The following SNX29 variants were observed in gnomAD, a reference collection of about 807,000 sequenced individuals.
SNX29 encodes the protein sorting nexin-29.
A neutral mutation model predicts 102.1 loss-of-function variants in SNX29; 78 were observed. The ratio of observed to expected loss-of-function variants is 0.76; its 90% CI spans 0.64 to 0.92. The LOEUF (loss-of-function observed/expected upper bound fraction) is 0.92. Among genes scored for constraint, SNX29 ranks in the 40% least tolerant of loss-of-function variants. The pLI is 0.00. For missense variants in SNX29, 1,280 were observed against 1,061.7 expected (o/e 1.21, Z -2.86); for synonymous variants, 580 against 414.5 (o/e 1.40, Z -4.85).
chr16:12,013,542 T>TATATAGAGAGAGAGAG (rs1382498593), intron 3 of SNX29, among the ~76,000 whole-genome samples: 2 of 109,076 alleles, frequency 1.8e-5, no homozygotes, highest in African/African-American at 7.0e-5. Flanking sequence ...TATATATATA[T>TATATAGAGAGAGAGAG]CGAGAGAGGA....
intron 14 of SNX29, among the ~76,000 whole-genome samples, chr16:12,236,557 T>G (rs1385795058): frequency 6.6e-6 from 1 of 152,212 alleles, no homozygotes; most frequent in Non-Finnish European, 1.5e-5. Flanking sequence ...AGGTGTCACC[T>G]ACTCTGGAAA....
At chr16:12,398,325 C>A in intron 16 of SNX29, 121 bp from the exon 17 acceptor site, 1 of 1,093,976 alleles carries the variant, frequency 9.1e-7, no homozygotes, top group Admixed American at 1.9e-5. Context: ...ACTGCTTTTT[C>A]ACTTCATTCT....
intron 14 of SNX29, among the ~76,000 whole-genome samples, chr16:12,244,965 A>G (rs773028282): frequency 2.0e-5 from 3 of 152,198 alleles, no homozygotes; most frequent in African/African-American, 7.2e-5. Flanking sequence ...TAATTATAAT[A>G]TTTGTTTGAT....
chr16:12,556,335 C>T (rs949565741), intron 20 of SNX29: 3 of 152,162 alleles, frequency 2.0e-5, no homozygotes, highest in African/African-American at 7.2e-5. Flanking sequence ...CAGGACAGAC[C>T]ACTTGGACTT....
chr16:12,458,888 G>C (rs530771365), intron 18 of SNX29, among the ~76,000 whole-genome samples: 6 of 152,318 alleles, frequency 3.9e-5, no homozygotes, highest in African/African-American at 1.4e-4. Context: ...TTGGTCTCAG[G>C]TCTTTTCACT....
At chr16:12,303,308 C>T (rs376113054) in intron 15 of SNX29, among the ~76,000 whole-genome samples, 25 of 152,300 alleles carry the variant, frequency 1.6e-4, no homozygotes, top group East Asian at 1.2e-3. Flanking sequence ...TTCACAGCAT[C>T]GCTCACGATG....
chr16:12,496,171 T>C (rs1450474204), intron 19 of SNX29, among the ~76,000 whole-genome samples: 1 of 152,190 alleles, frequency 6.6e-6, no homozygotes, highest in Non-Finnish European at 1.5e-5. Flanking sequence ...GTCACACTCA[T>C]TTGTAGGTGA....
At chr16:12,181,146 A>G (rs764016817) in intron 13 of SNX29, among the ~76,000 whole-genome samples, 18 of 152,150 alleles carry the variant, frequency 1.2e-4, no homozygotes, top group Non-Finnish European at 1.0e-4. Flanking sequence ...GCTTTACTGC[A>G]CTTCTCAACG....
chr16:12,112,402 A>G (rs2053534949), intron 11 of SNX29, among the ~76,000 whole-genome samples: 1 of 152,206 alleles, frequency 6.6e-6, no homozygotes. Context: ...CTCCAGTGTC[A>G]TCTCTGCGTG....
Position 12,356,232 on chromosome 16 carries a change from G to A in SNX29, c.1852G>A (p.Ala618Thr), listed in dbSNP as rs2082131778. 2 of 1,612,888 alleles carry A rather than the reference G, an allele frequency of 1.2e-6. No individual in the cohort carries two copies. Among genetic ancestry groups the A allele is most frequent in the Admixed American group, 3.3e-5 (2 of 59,920 alleles). Residue 618 changes from alanine to threonine, a missense_variant, in exon 16 of 21, where the codon GCC becomes ACC. Transcript: ENST00000566228. ...GCACAGGGCCCTGGTAGCCAAGGAA[G>A]CCCTCGTGTCCCAGATGAGGCAGGA... ...RLHRALVAKE[A>T]LVSQMRQELI...
chr16:12,543,412 G>C (rs2077433992), intron 20 of SNX29, among the ~76,000 whole-genome samples: 1 of 152,200 alleles, frequency 6.6e-6, no homozygotes. Context: ...CCGATTCACT[G>C]AAAGGAGAGA....
intron 14 of SNX29, among the ~76,000 whole-genome samples, chr16:12,239,264 C>T (rs575766191): frequency 6.6e-6 from 1 of 152,250 alleles, no homozygotes; most frequent in East Asian, 1.9e-4. Flanking sequence ...CCAGGAAGTG[C>T]ATTCTGTACC....
chr16:12,156,237 G>A (rs28660528), intron 13 of SNX29, among the ~76,000 whole-genome samples: 5 of 152,084 alleles, frequency 3.3e-5, no homozygotes, highest in Admixed American at 2.0e-4. Context: ...GCAGAGGCGC[G>A]ATCTTGGCTC....
At chr16:12,217,032 T>C (rs574197270) in intron 14 of SNX29, among the ~76,000 whole-genome samples, 1 of 152,292 alleles carries the variant, frequency 6.6e-6, no homozygotes, top group South Asian at 2.1e-4. Flanking sequence ...GCTGGGTTTC[T>C]TTTGTTTTTG....
chr16:12,439,541 A>G (rs1231881879), intron 18 of SNX29, among the ~76,000 whole-genome samples: 2 of 152,196 alleles, frequency 1.3e-5, no homozygotes, highest in Admixed American at 1.3e-4. Flanking sequence ...AGAGAATGAG[A>G]GCCAAGCGAA....
chr16:12,320,205 C>CA (rs964115932), intron 15 of SNX29, among the ~76,000 whole-genome samples: 1 of 152,132 alleles, frequency 6.6e-6, no homozygotes, highest in Non-Finnish European at 1.5e-5. Flanking sequence ...TCCCTCTGTG[C>CA]AGGTGTCCTT....
intron 20 of SNX29, among the ~76,000 whole-genome samples, chr16:12,557,995 G>C (rs897503890): frequency 2.6e-5 from 4 of 152,144 alleles, no homozygotes; most frequent in African/African-American, 7.2e-5. Flanking sequence ...AGCCACGGTT[G>C]GTTGGGCTGG....
chr16:12,300,248 C>T (rs766640796), intron 15 of SNX29, among the ~76,000 whole-genome samples: 1 of 152,162 alleles, frequency 6.6e-6, no homozygotes, highest in Non-Finnish European at 1.5e-5. Flanking sequence ...TTTTAATTTG[C>T]ATTTCTCTAA....
intron 20 of SNX29, among the ~76,000 whole-genome samples, chr16:12,559,567 T>C (rs765639265): frequency 1.3e-5 from 2 of 152,042 alleles, no homozygotes; most frequent in African/African-American, 4.8e-5. Flanking sequence ...ATTTTTCTTA[T>C]ACATAACTCA....
Sources: gnomAD v4.1 joint callset for allele counts (sites outside exome capture counted in the v4.1 genomes callset) on GRCh38, gnomAD v4.1.1 for gene constraint, MANE v1.5 for transcripts, NCBI Gene and HGNC (gene_info 2026-07-23, HGNC 2026-07-21) for gene names.